The following DPH6 variants were observed in gnomAD, a reference collection of about 807,000 sequenced individuals.
The protein encoded by DPH6 is diphthine--ammonia ligase.
A neutral mutation model predicts 38.2 loss-of-function variants in DPH6; 33 were observed. The ratio of observed to expected loss-of-function variants is 0.86; its 90% CI spans 0.65 to 1.15. The LOEUF is 1.15. Ranked by LOEUF, DPH6 falls within the 50% of genes most tolerant of loss-of-function variation. DPH6 has a pLI of 0.00. For synonymous variants in DPH6, 108 were observed against 103.0 expected, an observed-to-expected ratio of 1.05 and a Z score of -0.30; for missense variants, 325 against 320.0, an observed-to-expected ratio of 1.02 and a Z score of -0.12.
At chr15:35,317,806 A>G (rs1431411127) in intron 3 of DPH6, among the ~76,000 whole-genome samples, 3 of 152,170 alleles carry the variant, frequency 2.0e-5, no homozygotes, top group Non-Finnish European at 2.9e-5. Flanking sequence ...AATATTTTAC[A>G]GACCTAGCAT....
At chr15:35,470,099 G>A (rs2054178603) in intron 3 of DPH6, among the ~76,000 whole-genome samples, 1 of 152,184 alleles carries the variant, frequency 6.6e-6, no homozygotes, top group East Asian at 1.9e-4. Context: ...TCAGGAGGCT[G>A]AGGCAGGAGA....
At chr15:35,303,069 T>A (rs564861019) in intron 3 of DPH6, among the ~76,000 whole-genome samples, 5 of 152,118 alleles carry the variant, frequency 3.3e-5, no homozygotes, top group African/African-American at 4.8e-5. Context: ...AGTTTCCTTC[T>A]CTTACACAGG....
At chr15:35,435,835 T>A (rs986080003) in intron 5 of DPH6, among the ~76,000 whole-genome samples, 1 of 152,046 alleles carries the variant, frequency 6.6e-6, no homozygotes, top group Non-Finnish European at 1.5e-5. Flanking sequence ...AGCCTTCTTG[T>A]CCTTGGACTT....
rs66521447 is a variant in DPH6 at position 35,478,366 on chromosome 15, TACACACACACACACACAC to T, written c.313-23564_313-23547del. Among the ~76,000 whole-genome samples, 41 of 142,148 alleles carry T rather than the reference TACACACACACACACACAC, an allele frequency of 2.9e-4. 1 individual carries two copies. Among genetic ancestry groups the T allele is most frequent in the Non-Finnish European group, 3.0e-5 (2 of 65,586 alleles). The allele number at this position is 142,148 out of a possible 152,430, so 93.3% of individuals were successfully genotyped here. A position where few individuals can be genotyped will look rare whatever the true frequency, so the allele number is the denominator to read the frequency against. ...TTACCCATACACACATACCCACACA[TACACACACACACACACAC>T]ACACACACACACACACACACAAAGA... On this transcript the variant is annotated intron_variant, in intron 3 of 8. Transcript: ENST00000256538.
chr15:35,300,074 A>C (rs1055698225), intron 3 of DPH6, among the ~76,000 whole-genome samples: 1 of 152,258 alleles, frequency 6.6e-6, no homozygotes, highest in African/African-American at 2.4e-5. Flanking sequence ...TGGATTTCAC[A>C]AACACTTGGG....
intron 7 of DPH6, among the ~76,000 whole-genome samples, chr15:35,378,242 G>A (rs2052808058): frequency 6.6e-6 from 1 of 152,150 alleles, no homozygotes; most frequent in South Asian, 2.1e-4. Context: ...ATCATCACCT[G>A]TCATTAGAGA....
intron 3 of DPH6, among the ~76,000 whole-genome samples, chr15:35,350,320 CTGT>C (rs1395157309): frequency 1.1e-5 from 1 of 94,396 alleles, no homozygotes; most frequent in Non-Finnish European, 1.8e-5. Context: ...TTACTGGAGT[CTGT>C]TTTTTTTTTT....
chr15:35,241,286 C>T (rs1232806432), intron 3 of DPH6, among the ~76,000 whole-genome samples: 3 of 142,976 alleles, frequency 2.1e-5, no homozygotes, highest in South Asian at 2.5e-4. Context: ...TAGACCATCA[C>T]GGACGCCGAG....
chr15:35,343,366 G>C (rs1280503894), intron 3 of DPH6, among the ~76,000 whole-genome samples: 1 of 151,932 alleles, frequency 6.6e-6, no homozygotes, highest in Non-Finnish European at 1.5e-5. Flanking sequence ...GAATGATTTT[G>C]ACTTTATGAT....
At chr15:35,418,714 A>G (rs2053466427) in intron 5 of DPH6, among the ~76,000 whole-genome samples, 1 of 152,036 alleles carries the variant, frequency 6.6e-6, no homozygotes, top group African/African-American at 2.4e-5. Flanking sequence ...TAACCCTACA[A>G]TGTTATGCTC....
intron 3 of DPH6, among the ~76,000 whole-genome samples, chr15:35,304,425 G>A (rs1008688948): frequency 6.6e-6 from 1 of 152,090 alleles, no homozygotes; most frequent in Non-Finnish European, 1.5e-5. Flanking sequence ...TTTAAGAACA[G>A]ACAGGCCCAG....
intron 3 of DPH6, among the ~76,000 whole-genome samples, chr15:35,226,125 A>AAAAT (rs1469350903): frequency 2.6e-5 from 4 of 151,748 alleles, no homozygotes; most frequent in African/African-American, 4.9e-5. Context: ...CTCATCACAA[A>AAAAT]AAATAAATAA....
the DPH6 span, among the ~76,000 whole-genome samples, chr15:35,192,409 C>G: frequency 6.6e-6 from 1 of 152,106 alleles, no homozygotes; most frequent in Non-Finnish European, 1.5e-5. Flanking sequence ...ATCCTTTGAC[C>G]CTAACTTGCC....
At chr15:35,255,457 G>C (rs1333524038) in intron 3 of DPH6, among the ~76,000 whole-genome samples, 1 of 152,168 alleles carries the variant, frequency 6.6e-6, no homozygotes, top group African/African-American at 2.4e-5. Flanking sequence ...TCAGCATGGA[G>C]ATATTCCTTT....
At chr15:35,217,908 T>A (rs1402194162) in exon 4 of DPH6, 3 of 152,174 alleles carry the variant, frequency 2.0e-5, no homozygotes, top group Non-Finnish European at 4.4e-5. Flanking sequence ...CATACACACA[T>A]CCTCCCTGTA....
At chr15:35,276,839 G>A (rs1262454594) in intron 3 of DPH6, among the ~76,000 whole-genome samples, 1 of 152,210 alleles carries the variant, frequency 6.6e-6, no homozygotes, top group Non-Finnish European at 1.5e-5. Context: ...TGGCCTTATA[G>A]TGTAGTTTGA....
the DPH6 span, among the ~76,000 whole-genome samples, chr15:35,188,257 AAG>A: frequency 6.6e-6 from 1 of 152,208 alleles, no homozygotes; most frequent in Non-Finnish European, 1.5e-5. Flanking sequence ...TATGCACACT[AAG>A]AGGCAAAATG....
intron 3 of DPH6, among the ~76,000 whole-genome samples, chr15:35,471,255 A>G (rs1342048023): frequency 6.6e-6 from 1 of 152,168 alleles, no homozygotes; most frequent in Non-Finnish European, 1.5e-5. Context: ...TACAGGTAAC[A>G]TAAGACTCTC....
At chr15:35,493,797 G>A (rs560701248) in intron 3 of DPH6, among the ~76,000 whole-genome samples, 14 of 152,228 alleles carry the variant, frequency 9.2e-5, no homozygotes, top group East Asian at 1.9e-4. Context: ...CAGGGAGAGC[G>A]ACTATGCACC....
Sources: gnomAD v4.1 joint callset for allele counts (sites outside exome capture counted in the v4.1 genomes callset) on GRCh38, gnomAD v4.1.1 for gene constraint, MANE v1.5 for transcripts, NCBI Gene and HGNC (gene_info 2026-07-23, HGNC 2026-07-21) for gene names.